The following PTPRC variants were observed in gnomAD, a reference collection of about 807,000 sequenced individuals.
PTPRC encodes the protein receptor-type tyrosine-protein phosphatase C.
A neutral mutation model predicts 155.9 loss-of-function variants in PTPRC; 44 were observed. The observed-to-expected ratio is 0.28, with a 90% CI of 0.22 to 0.36. The LOEUF (loss-of-function observed/expected upper bound fraction) is 0.36, where lower values mean the gene tolerates loss of function less well. Among genes scored for constraint, PTPRC ranks in the 10% least tolerant of loss-of-function variants. The pLI, the probability that PTPRC is intolerant of heterozygous loss-of-function variation, is 1.00. For synonymous variants in PTPRC, 525 were observed against 533.1 expected, an observed-to-expected ratio of 0.98 and a Z score of 0.21; for missense variants, 1,401 against 1,564.6, an observed-to-expected ratio of 0.90 and a Z score of 1.76.
In PTPRC at chr1:198,756,387, T is replaced by C. The variant is rs1273077233; in HGVS notation, c.*206T>C. On this transcript the variant is annotated 3_prime_UTR_variant, in exon 33 of 33. Transcript: ENST00000442510. ...GTACAGACGTATGCTTATTTTAAAATTTTATCTCTTATTCAGTAAAAAACA... is the reference window on the plus strand; with the variant it reads ...GTACAGACGTATGCTTATTTTAAAACTTTATCTCTTATTCAGTAAAAAACA... 6 of 660,848 alleles carry C rather than the reference T, an allele frequency of 9.1e-6. No individual in the cohort carries two copies. The highest frequency in any genetic ancestry group is 1.5e-5 in the Non-Finnish European group (6 of 401,066). 40.9% of individuals were successfully genotyped at this position (660,848 alleles called of 1,614,324 possible).
chr1:198,755,803 A>G (rs570716606), intron 32 of PTPRC, 103 bp from the exon 33 acceptor site: 37 of 1,265,794 alleles, frequency 2.9e-5, no homozygotes, highest in Admixed American at 8.7e-5. Context: ...CTGTCATCCA[A>G]TACTTCCACA....
intron 25 of PTPRC, among the ~76,000 whole-genome samples, chr1:198,743,154 C>A (rs1248266731): frequency 7.2e-6 from 1 of 138,872 alleles, no homozygotes; most frequent in Non-Finnish European, 1.6e-5. Flanking sequence ...AATAGGAAGA[C>A]AAAATGTGGA....
Position 198,712,492 on chromosome 1 carries a change from T to C in PTPRC, c.1172-461T>C, listed in dbSNP as rs570729391. On this transcript the variant is annotated intron_variant, in intron 11 of 32. Transcript: ENST00000442510. The stretch of plus-strand genomic sequence containing the variant: ...CAAATGGGTACATTTTAATGTAAAT[T>C]TTACTTCAGACATTTTATTTAAACA... 1.8e-4 allele frequency among the ~76,000 whole-genome samples: 27 copies of C among 152,304 alleles called. No individual in the cohort carries two copies. The South Asian group carries it at 5.6e-3, about 32-fold the overall frequency.
rs550654304 is a variant in PTPRC, at chr1:198,706,927, G to A, written c.879G>A (p.Lys293=). The stretch of plus-strand genomic sequence containing the variant: ...ATAATTCATGTACTGCTCCTGATAA[G>A]ACATTAATATTAGATGTGCCACCAG... ...ISHNSCTAPD[K]TLILDVPPGV... The change falls in exon 9 of 33, where the codon AAG becomes AAA. Residue 293 remains lysine, a synonymous_variant. Coordinates refer to ENST00000442510, the MANE Select transcript of PTPRC (RefSeq NM_002838.5). The A allele has an allele frequency of 2.4e-5, 39 of 1,608,386 alleles. 1 individual carries two copies. Among genetic ancestry groups the A allele is most frequent in the African/African-American group, 1.7e-4 (13 of 74,896 alleles).
chr1:198,643,078 ACTT>A (rs1017137591), intron 2 of PTPRC, among the ~76,000 whole-genome samples: 13 of 151,816 alleles, frequency 8.6e-5, no homozygotes, highest in African/African-American at 2.9e-4. Context: ...GGCAAATCCT[ACTT>A]CTTCTATTAT....
chr1:198,671,681 A>G (rs1484454213), intron 2 of PTPRC, among the ~76,000 whole-genome samples: 1 of 152,198 alleles, frequency 6.6e-6, no homozygotes, highest in Non-Finnish European at 1.5e-5. Context: ...CAAATTCAAC[A>G]TTATTGAACT....
chr1:198,692,878 T>C, intron 3 of PTPRC: 1 of 894,416 alleles, frequency 1.1e-6, no homozygotes, highest in Non-Finnish European at 1.3e-6. Context: ...TACTGAACAC[T>C]TCAATAGTCC....
In PTPRC at chr1:198,750,474, C is replaced by CT. The variant is rs572108683; in HGVS notation, c.3073-11dup. 756 of 1,610,026 alleles carry CT rather than the reference C, an allele frequency of 4.7e-4. 2 individuals are homozygous for CT. The highest frequency in any genetic ancestry group is 5.9e-4 in the Non-Finnish European group (700 of 1,176,848). On this transcript the variant is annotated splice_polypyrimidine_tract_variant and intron_variant, in intron 28 of 32. Coordinates refer to ENST00000442510, the MANE Select transcript of PTPRC (RefSeq NM_002838.5). ...TCTTCTGTAGTAACGAAGTCCCACC[C>CT]TTTTTTTGTCTAAAAAGAGCTACTG...
chr1:198,656,384 A>G (rs999727681), intron 2 of PTPRC, among the ~76,000 whole-genome samples: 3 of 152,160 alleles, frequency 2.0e-5, no homozygotes, highest in Non-Finnish European at 4.4e-5. Context: ...GGTCATAGGT[A>G]TATTTTCATC....
chr1:198,701,666 C>T (rs1198112747), intron 5 of PTPRC, among the ~76,000 whole-genome samples: 1 of 152,160 alleles, frequency 6.6e-6, no homozygotes, highest in Admixed American at 6.5e-5. Context: ...TTGGCTACAA[C>T]ACTAGATTCT....
intron 23 of PTPRC, among the ~76,000 whole-genome samples, chr1:198,736,592 C>A (rs776478385): frequency 2.0e-5 from 3 of 151,638 alleles, no homozygotes; most frequent in African/African-American, 7.2e-5. Flanking sequence ...CATCAGTCAA[C>A]TGATGCTTAG....
intron 3 of PTPRC, among the ~76,000 whole-genome samples, chr1:198,696,167 A>AAT (rs58023006): frequency 0.12 from 17,556 of 145,698 alleles, 1,521 homozygotes; most frequent in East Asian, 0.47. Context: ...TCAAAAAGAA[A>AAT]ATATATATAT....
intron 17 of PTPRC, 113 bp downstream of exon 17, chr1:198,729,284 C>T: frequency 1.6e-6 from 2 of 1,255,004 alleles, no homozygotes. Flanking sequence ...TTCTGTCTCC[C>T]AGGCTGAAGT....
At chr1:198,710,946 C>T (rs763424463) in intron 11 of PTPRC, among the ~76,000 whole-genome samples, 21 of 152,186 alleles carry the variant, frequency 1.4e-4, no homozygotes, top group Non-Finnish European at 2.2e-4. Context: ...CCTCTGACTC[C>T]TGGGTTCAAG....
At chr1:198,679,988 C>G (rs768123329) in intron 2 of PTPRC, 6 of 615,890 alleles carry the variant, frequency 9.7e-6, no homozygotes, top group Non-Finnish European at 1.8e-5. Flanking sequence ...TGCGGCTGCC[C>G]GTCCACTTCC....
At chr1:198,740,825 T>A (rs2102511381) in intron 23 of PTPRC, among the ~76,000 whole-genome samples, 1 of 152,016 alleles carries the variant, frequency 6.6e-6, no homozygotes, top group Non-Finnish European at 1.5e-5. Context: ...TAGAGCTGTT[T>A]AAAAAACTAC....
chr1:198,680,103 C>T (rs1303935051), intron 2 of PTPRC: 2 of 413,458 alleles, frequency 4.8e-6, no homozygotes, highest in Non-Finnish European at 8.6e-6. Context: ...GGCGCAGCGG[C>T]GACTCGGCAG....
chr1:198,744,194 T>C lies in PTPRC; in HGVS notation c.2838T>C (p.Ala946=), dbSNP rs371112733. 1.9e-6 allele frequency: 3 copies of C among 1,604,046 alleles called. No homozygotes were observed. Among genetic ancestry groups the C allele is most frequent in the Non-Finnish European group, 2.6e-6 (3 of 1,172,146 alleles). The change falls in exon 26 of 33, where the codon GCT becomes GCC. Residue 946 remains alanine (A), a synonymous_variant. Coordinates refer to ENST00000442510, the MANE Select transcript of PTPRC (RefSeq NM_002838.5). ...DPPSEPSPLE[A]EFQRLPSYRS... is the part of the protein sequence containing the mutation. ...CCAGTGAGCCGTCTCCACTAGAGGCTGAATTCCAGGTAATGATAGTGACAA... is the reference window on the plus strand; with the variant it reads ...CCAGTGAGCCGTCTCCACTAGAGGCCGAATTCCAGGTAATGATAGTGACAA...
Position 198,706,964 on chromosome 1 carries a change from T to C in PTPRC, c.904+12T>C. 6.4e-7 allele frequency: 1 copy of C among 1,560,576 alleles called. No homozygotes were observed. The highest frequency in any genetic ancestry group is 1.1e-5 in the South Asian group (1 of 89,650). On this transcript the variant is annotated intron_variant, in intron 9 of 32. Coordinates refer to ENST00000442510, the MANE Select transcript of PTPRC (RefSeq NM_002838.5). ...AGATGTGCCACCAGGTAAATATCAA[T>C]TTATTTCTTTTAATAAATTTATAAA...
Sources: gnomAD v4.1 joint callset for allele counts (sites outside exome capture counted in the v4.1 genomes callset) on GRCh38, gnomAD v4.1.1 for gene constraint, MANE v1.5 for transcripts, NCBI Gene and HGNC (gene_info 2026-07-23, HGNC 2026-07-21) for gene names.